IDUA: variants seen among roughly 807,000 people sequenced by gnomAD.
The protein encoded by IDUA is iduronidase alpha-L-.
In IDUA, 65 loss-of-function variants were observed where a neutral mutation model predicts 68.9. The observed-to-expected ratio is 0.94, with a 90% confidence interval of 0.77 to 1.16. The LOEUF (loss-of-function observed/expected upper bound fraction) is 1.16, where lower values mean the gene tolerates loss of function less well. Ranked by LOEUF, IDUA falls within the 50% of genes most tolerant of loss-of-function variation. The pLI, the probability that IDUA is intolerant of heterozygous loss-of-function variation, is 0.00. For missense variants in IDUA, 1,046 were observed against 938.0 expected, an observed-to-expected ratio of 1.12 and a Z score of -1.50; for synonymous variants, 529 against 433.6, an observed-to-expected ratio of 1.22 and a Z score of -2.73.
In IDUA at chr4:1,000,593, G is replaced by T. The variant is rs774712987; in HGVS notation, c.300-19G>T. Reference sequence around the variant, plus strand: ...CTGTGTGGGCACCCTGCTTCCTGACGCTGACCGTCCTTCTGCAGGGGGTCC... The same window carrying T: ...CTGTGTGGGCACCCTGCTTCCTGACTCTGACCGTCCTTCTGCAGGGGGTCC... On this transcript the variant is annotated intron_variant, in intron 2 of 13. Transcript: ENST00000514224. The T allele has an allele frequency of 6.2e-7, 1 of 1,602,434 alleles. No individual in the cohort carries two copies. The highest frequency in any genetic ancestry group is 1.7e-5 in the Admixed American group (1 of 60,008).
At chr4:989,531 C>G in intron 2 of IDUA, 1 of 1,557,742 alleles carries the variant, frequency 6.4e-7, no homozygotes, top group Non-Finnish European at 8.7e-7. Flanking sequence ...ACCAGCGCGT[C>G]AGCCGGGCTC....
intron 10 of IDUA, 54 bp downstream of exon 10, chr4:1,003,211 G>A (rs1214640375): frequency 2.4e-6 from 3 of 1,274,896 alleles, no homozygotes; most frequent in African/African-American, 3.2e-5. Flanking sequence ...TCCCGGGGGG[G>A]TGGGGTCCGG....
chr4:1,001,322 T>C, intron 4 of IDUA, 146 bp from the exon 5 acceptor site: 1 of 792,196 alleles, frequency 1.3e-6, no homozygotes, highest in Non-Finnish European at 2.2e-6. Flanking sequence ...GAGCCAGCGC[T>C]TCCTGATGTG....
chr4:996,326 C>A (rs1029031297), intron 2 of IDUA, among the ~76,000 whole-genome samples: 26 of 152,184 alleles, frequency 1.7e-4, no homozygotes, highest in Non-Finnish European at 3.5e-4. Context: ...TGGGGAGACC[C>A]AGGGGGCTGG....
At chr4:989,096 C>G (rs369871590) in intron 2 of IDUA, 1 of 1,602,208 alleles carries the variant, frequency 6.2e-7, no homozygotes, top group Non-Finnish European at 8.5e-7. Flanking sequence ...GGGGCGCAGT[C>G]GATGACCACT....
rs74907962 is a variant in IDUA at position 990,546 on chromosome 4, T to C, written c.299+2597T>C. 26,343 of 617,746 alleles carry C rather than the reference T, an allele frequency of 0.043. 889 individuals carry two copies. Among genetic ancestry groups the C allele is most frequent in the African/African-American group, 0.14 (7,532 of 54,298 alleles). The allele number at this position is 617,746 out of a possible 1,614,324, so 38.3% of individuals were successfully genotyped here. ...TGAGTTCTGGTTCCACGCGTGCTCA[T>C]GCCCGCAGACAACTGTGACATCCAC... On this transcript the variant is annotated intron_variant, in intron 2 of 13. Transcript: ENST00000514224.
intron 2 of IDUA, chr4:990,446 G>A: frequency 7.6e-7 from 1 of 1,322,320 alleles, no homozygotes; most frequent in Non-Finnish European, 1.0e-6. Context: ...CCCGAGGGGT[G>A]GTGGTCACGG....
rs187110381 is a variant in IDUA, at chr4:989,390, C to T, written c.299+1441C>T. The T allele has an allele frequency of 6.7e-4, 1,058 of 1,569,488 alleles. 5 individuals are homozygous for T. In the African/African-American group the frequency reaches 0.013, roughly 19 times the overall value. ...GCATCCTCGTAGAAGGCCGTGTCCC[C>T]GATGCGGGCCAGCAGGGCGGTGCGT... On this transcript the variant is annotated intron_variant, in intron 2 of 13. Coordinates refer to ENST00000514224, the MANE Select transcript of IDUA (RefSeq NM_000203.5).
intron 2 of IDUA, chr4:989,150 T>C (rs373935098): frequency 6.2e-7 from 1 of 1,607,814 alleles, no homozygotes; most frequent in South Asian, 1.1e-5. Context: ...GCCCTGGTGC[T>C]AACCGGGCCC....
chr4:1,003,108 G>T lies in IDUA; in HGVS notation c.1475G>T (p.Arg492Leu), dbSNP rs121965026. 6.6e-7 allele frequency: 1 copy of T among 1,514,758 alleles called. No homozygotes were observed. The allele number at this position is 1,514,758 out of a possible 1,614,324, so 93.8% of individuals were successfully genotyped here. ...SPDGEWRRLG[R>L]PVFPTAEQFR... ...GACGGCGAGTGGCGGCGCCTGGGCC[G>T]GCCCGTCTTCCCCACGGCAGAGCAG... The change falls in exon 10 of 14, where the codon CGG (arginine) becomes CTG (leucine). Residue 492 changes from arginine (R) to leucine (L), a missense_variant. Physicochemically the swap from Arg to Leu is moderately radical, Grantham distance 102. Transcript: ENST00000514224.
At position 1,004,241 on chromosome 4, in the gene IDUA, CAT is replaced by C. The variant is rs779536867; in HGVS notation, c.1829-18_1829-17del. On this transcript the variant is annotated splice_polypyrimidine_tract_variant and intron_variant, in intron 13 of 13. Transcript: ENST00000514224. This position sits in a 1 kb window ranked among gnomAD's most constrained non-coding sequence, Gnocchi z 5.0. ...GTGGGGGCAGGTTCCGGTTGGCACA[CAT>C]GTCCCCTTGTCTCCAGACACAGGTG... 3.7e-6 allele frequency: 6 copies of C among 1,609,562 alleles called. No individual in the cohort carries two copies. Among genetic ancestry groups the C allele is most frequent in the South Asian group, 1.1e-5 (1 of 91,076 alleles).
Position 1,002,713 on chromosome 4 carries a change from GCCCC to G in IDUA, c.1190-13_1190-10del. The G allele has an allele frequency of 7.3e-7, 1 of 1,364,360 alleles. No homozygotes were observed. The highest frequency in any genetic ancestry group is 9.8e-7 in the Non-Finnish European group (1 of 1,022,528). The allele number at this position is 1,364,360 out of a possible 1,614,324, so 84.5% of individuals were successfully genotyped here. A position where few individuals can be genotyped will look rare whatever the true frequency, so the allele number is the denominator to read the frequency against. ...TGGGCAACGACCCCACGCGGCGACG[GCCCC>G]CCCCCGCCCCGCAGATGAGGAGCAG... On this transcript the variant is annotated splice_polypyrimidine_tract_variant and intron_variant, in intron 8 of 13. Coordinates refer to ENST00000514224, the MANE Select transcript of IDUA (RefSeq NM_000203.5).
intron 2 of IDUA, among the ~76,000 whole-genome samples, chr4:996,210 G>A (rs1413244983): frequency 1.3e-5 from 2 of 152,260 alleles, no homozygotes; most frequent in African/African-American, 4.8e-5. Flanking sequence ...TGTAAGAAGC[G>A]GTTGGCCAGT....
At chr4:997,647 C>A (rs553231678) in intron 2 of IDUA, among the ~76,000 whole-genome samples, 32 of 152,276 alleles carry the variant, frequency 2.1e-4, no homozygotes, top group African/African-American at 6.0e-4. Flanking sequence ...GGCGGTGGCT[C>A]GTCTGCGTCT....
chr4:1,002,186 G>GCC, intron 7 of IDUA, 25 bp downstream of exon 7: 1 of 1,559,976 alleles, frequency 6.4e-7, no homozygotes, highest in Non-Finnish European at 8.7e-7. Context: ...CGCCCTGCGC[G>GCC]CCCCCCGGCC....
Position 1,003,629 on chromosome 4 carries a change from C to T in IDUA, c.1727+4C>T, listed in dbSNP as rs1202966289. 4.3e-6 allele frequency: 7 copies of T among 1,612,178 alleles called. No homozygotes were observed. Among genetic ancestry groups the T allele is most frequent in the Non-Finnish European group, 5.1e-6 (6 of 1,179,788 alleles). ...CGGATGAACACGTGGGCTCCAAGTG[C>T]GTGAGTGGGGCCGCCCCTCCCTCTG... On this transcript the variant is annotated splice_donor_region_variant and intron_variant, in intron 12 of 13. Coordinates refer to ENST00000514224, the MANE Select transcript of IDUA (RefSeq NM_000203.5).
Position 1,004,462 on chromosome 4 carries a change from T to C in IDUA, c.*69T>C. On this transcript the variant is annotated 3_prime_UTR_variant, in exon 14 of 14. Transcript: ENST00000514224. This position sits in a 1 kb window ranked among gnomAD's most constrained non-coding sequence, Gnocchi z 5.0. Reference sequence around the variant, plus strand: ...GCGAGCTGGGGCTGCACTGTGCCCATGCTGCCCTCCCATCACCCCCTTTGC... The same window carrying C: ...GCGAGCTGGGGCTGCACTGTGCCCACGCTGCCCTCCCATCACCCCCTTTGC... 1.3e-6 allele frequency: 2 copies of C among 1,505,888 alleles called. No individual in the cohort carries two copies. The highest frequency in any genetic ancestry group is 1.8e-6 in the Non-Finnish European group (2 of 1,093,922). 93.3% of individuals were successfully genotyped at this position (1,505,888 alleles called of 1,614,324 possible).
intron 2 of IDUA, among the ~76,000 whole-genome samples, chr4:998,374 C>T (rs1714870168): frequency 1.3e-5 from 2 of 152,172 alleles, no homozygotes; most frequent in African/African-American, 2.4e-5. Flanking sequence ...CATGGGGAGA[C>T]TGACAGACGG....
At position 1,002,452 on chromosome 4, in the gene IDUA, GT is replaced by G; in HGVS notation, c.1157del (p.Val386GlyfsTer54). ...GCACGTGCAGCTGTTGCGCAAGCCG[GT>G]GCTCACGGCCATGGGGCTGCTGGCG... ...PPHVQLLRKPVLTAMGLLALL... is the reference protein window; with the variant it reads ...PPHVQLLRKPXLTAMGLLALL... On this transcript the variant is annotated frameshift_variant, in exon 8 of 14. Transcript: ENST00000514224. LOFTEE classifies it high-confidence loss of function. 1 of 1,557,046 alleles carries G rather than the reference GT, an allele frequency of 6.4e-7. No individual in the cohort carries two copies. The highest frequency in any genetic ancestry group is 8.7e-7 in the Non-Finnish European group (1 of 1,151,594).
Sources: allele counts gnomAD v4.1 joint callset (sites outside exome capture counted in the v4.1 genomes callset), GRCh38; gene constraint gnomAD v4.1.1; non-coding constraint Gnocchi (gnomAD v3.1); transcripts MANE v1.5; gene names NCBI Gene and HGNC (gene_info 2026-07-23, HGNC 2026-07-21).